SLC7A3: variants seen among roughly 807,000 people sequenced by gnomAD.
SLC7A3 encodes the protein cationic amino acid transporter 3.
SLC7A3 carries 3 observed loss-of-function variants against 33.2 expected under a neutral mutation model. The ratio of observed to expected loss-of-function variants is 0.09; its 90% CI spans 0.04 to 0.23. The LOEUF (loss-of-function observed/expected upper bound fraction) is 0.23. SLC7A3 is among the 10% of genes least tolerant of loss of function. The pLI is 1.00. For missense variants in SLC7A3, 360 were observed against 488.8 expected, an observed-to-expected ratio of 0.74 and a Z score of 2.48; for synonymous variants, 193 against 195.1, an observed-to-expected ratio of 0.99 and a Z score of 0.09.
At chrX:70,930,147 G>A in intron 1 of SLC7A3, 125 bp from the exon 2 acceptor site, 1 of 649,774 alleles carries the variant, frequency 1.5e-6, no homozygotes, top group East Asian at 3.4e-5. Context: ...GATATGGAAG[G>A]GACAAAGGCA....
chrX:70,925,642 G>A lies in SLC7A3; in HGVS notation c.*171C>T. On this transcript the variant is annotated 3_prime_UTR_variant, in exon 12 of 12. Coordinates refer to ENST00000374299, the MANE Select transcript of SLC7A3 (RefSeq NM_032803.6). ...TTGGTAAGCAGCTAGACATCATTTA[G>A]AAGCAGACGGGTTAAAATAGACAAG... is the stretch of plus-strand genomic sequence containing the variant. 1 of 481,913 alleles carries A rather than the reference G, an allele frequency of 2.1e-6. No individual in the cohort carries two copies. Among genetic ancestry groups the A allele is most frequent in the Non-Finnish European group, 3.3e-6 (1 of 300,711 alleles). The allele number at this position is 481,913 out of a possible 1,213,427, so 39.7% of individuals were successfully genotyped here. A position where few individuals can be genotyped will look rare whatever the true frequency, so the allele number is the denominator to read the frequency against.
In SLC7A3 at chrX:70,927,269, G is replaced by C. The variant is rs765715295; in HGVS notation, c.1286+13C>G. On this transcript the variant is annotated intron_variant, in intron 8 of 11. Coordinates refer to ENST00000374299, the MANE Select transcript of SLC7A3 (RefSeq NM_032803.6). ...AAAAATCCAAATCACAGTATGCAGA[G>C]GAAGAGTCTCACCTGAGGATGAGAA... 40 of 1,196,764 alleles carry C rather than the reference G, an allele frequency of 3.3e-5. No individual in the cohort carries two copies. The South Asian group carries it at 5.0e-4, about 15-fold the overall frequency.
rs2091895692 is a variant in SLC7A3, at chrX:70,925,954, A to G, written c.1730-11T>C. 8.3e-7 allele frequency: 1 copy of G among 1,209,220 alleles called. No homozygotes were observed. Among genetic ancestry groups the G allele is most frequent in the African/African-American group, 1.8e-5 (1 of 56,937 alleles). ...AGTAGATAGCAAAGCCTAGTGGGGA[A>G]AGGTAGCTGTGAGGTGGGGGTGTAA... On this transcript the variant is annotated splice_polypyrimidine_tract_variant and intron_variant, in intron 11 of 11. Transcript: ENST00000374299.
In SLC7A3 at chrX:70,925,855, A is replaced by G. The variant is rs776243764; in HGVS notation, c.1818T>C (p.Thr606=). The stretch of plus-strand genomic sequence containing the variant: ...AGAGAGTGCCGGGATCAAGGTCTAC[A>G]GTTTTGGCTCTAGACTTGCGTGAGG... ...NQPSRKSRAK[T]VDLDPGTLYV... The change falls in exon 12 of 12, where the codon ACT becomes ACC. Residue 606 remains threonine, a synonymous_variant. Coordinates refer to ENST00000374299, the MANE Select transcript of SLC7A3 (RefSeq NM_032803.6). 8.3e-7 allele frequency: 1 copy of G among 1,209,427 alleles called. No homozygotes were observed. Among genetic ancestry groups the G allele is most frequent in the African/African-American group, 1.8e-5 (1 of 56,965 alleles).
At chrX:70,926,834 C>T (rs377561132) in intron 9 of SLC7A3, 41 bp downstream of exon 9, 9 of 1,192,222 alleles carry the variant, frequency 7.5e-6, no homozygotes, top group African/African-American at 7.0e-5. Context: ...GACCCAATCA[C>T]GCTGATCTCA....
rs1249228718 is a variant in SLC7A3, at chrX:70,928,851, C to T, written c.522G>A (p.Leu174=). Residue 174 remains leucine, a synonymous_variant, in exon 3 of 12, where the codon CTG becomes CTA. Transcript: ENST00000374299. ...PDFFALGLVL[L]LTGLLALGAS... ...CCCTGCTCTTTGCCTCACCAGTGAG[C>T]AGCAACACGAGGCCCAAAGCAAAGA... is the stretch of plus-strand genomic sequence containing the variant. 2.5e-6 allele frequency: 3 copies of T among 1,208,114 alleles called. No homozygotes were observed. The African/African-American group carries it at 5.3e-5, about 21-fold the overall frequency.
rs772228682 is a variant in SLC7A3 at position 70,929,730 on chromosome X, G to A, written c.268C>T (p.Arg90Trp). 3 of 1,211,184 alleles carry A rather than the reference G, an allele frequency of 2.5e-6. No homozygotes were observed. The highest frequency in any genetic ancestry group is 2.3e-4 in the Middle Eastern group (1 of 4,354). ...TATGCCGAACCAGAACGGGGAACCCGGGCACCAAACTCCGCATAGCACAGC... is the reference window on the plus strand; with the variant it reads ...TATGCCGAACCAGAACGGGGAACCCAGGCACCAAACTCCGCATAGCACAGC... ...AGLCYAEFGA[R>W]VPRSGSAYLY... The change falls in exon 2 of 12, where the codon CGG becomes TGG. Residue 90 changes from arginine (R) to tryptophan (W), a missense_variant. Physicochemically the swap from Arg to Trp is moderately radical, Grantham distance 101 (BLOSUM62 -3). Coordinates refer to ENST00000374299, the MANE Select transcript of SLC7A3 (RefSeq NM_032803.6).
At chrX:70,929,049 A>C (rs2091904495) in intron 2 of SLC7A3, 47 bp from the exon 3 acceptor site, 1 of 1,162,609 alleles carries the variant, frequency 8.6e-7, no homozygotes, top group Non-Finnish European at 1.2e-6. Flanking sequence ...CCTTCTTCCC[A>C]GACCCCAGGC....
rs1183862733 is a variant in SLC7A3, at chrX:70,927,603, G to A, written c.1064C>T (p.Pro355Leu). ...LSTSLLGSMF[P>L]MPRVIYAMAE... ...CATCGCGTAGATCACCCGAGGCATG[G>A]GGAACATGGAGCCCAGGAGGCTGGA... The change falls in exon 7 of 12, where the codon CCC becomes CTC. Residue 355 changes from proline (P) to leucine (L), a missense_variant. By Grantham distance (98) the Pro-to-Leu change is moderately conservative. Transcript: ENST00000374299. 1 of 1,208,238 alleles carries A rather than the reference G, an allele frequency of 8.3e-7. No homozygotes were observed. Among genetic ancestry groups the A allele is most frequent in the Non-Finnish European group, 1.1e-6 (1 of 894,535 alleles).
At position 70,926,094 on chromosome X, in the gene SLC7A3, G is replaced by A. The variant is rs375256830; in HGVS notation, c.1705C>T (p.Arg569Ter). Residue 569 changes from arginine (R) to a stop codon, truncating the protein, a stop_gained, in exon 11 of 12, where the codon CGA becomes TGA. Transcript: ENST00000374299. LOFTEE classifies it high-confidence loss of function. Reference protein sequence around the residue: ...MMQMTAGTWARFGVWMLIGFA... With the variant: ...MMQMTAGTWA ...CCAATCAGCATCCAGACCCCAAATC[G>A]GGCCCAGGTACCAGCTGTCATCTGC... is the stretch of plus-strand genomic sequence containing the variant. The A allele has an allele frequency of 1.7e-6, 2 of 1,208,980 alleles. No individual in the cohort carries two copies. The highest frequency in any genetic ancestry group is 2.2e-6 in the Non-Finnish European group (2 of 894,782).
chrX:70,928,689 C>A, intron 3 of SLC7A3, 56 bp from the exon 4 acceptor site: 1 of 1,138,318 alleles, frequency 8.8e-7, no homozygotes, highest in South Asian at 2.1e-5. Context: ...AGCTTTGTTT[C>A]CCTGCCTCTA....
Position 70,929,939 on chromosome X carries a change from T to A in SLC7A3, c.59A>T (p.Glu20Val), listed in dbSNP as rs990542783. The change falls in exon 2 of 12, where the codon GAG becomes GTG. Residue 20 changes from glutamate to valine, a missense_variant. By Grantham distance (121) the Glu-to-Val change is moderately radical. Coordinates refer to ENST00000374299, the MANE Select transcript of SLC7A3 (RefSeq NM_032803.6). ...AAGGCGAGTCTCAGCCATGCCTGAC[T>A]CCAGTGTACGTCTGCGTACCAGCTT... ...GQKLVRRRTL[E>V]SGMAETRLAR... 2.5e-6 allele frequency: 3 copies of A among 1,211,276 alleles called. No individual in the cohort carries two copies. The highest frequency in any genetic ancestry group is 2.3e-4 in the Middle Eastern group (1 of 4,348).
chrX:70,928,884 A>T lies in SLC7A3; in HGVS notation c.489T>A (p.Tyr163Ter). The T allele has an allele frequency of 8.3e-7, 1 of 1,211,250 alleles. No homozygotes were observed. The highest frequency in any genetic ancestry group is 1.1e-6 in the Non-Finnish European group (1 of 895,411). ...CGAGGCCCAAAGCAAAGAAATCTGG[A>T]TATTCTGCAAGGACATGGGGCACGT... ...ALHVPHVLAE[Y>*]PDFFALGLVL... Residue 163 changes from tyrosine to a stop codon, truncating the protein, a stop_gained, in exon 3 of 12, where the codon TAT (tyrosine) becomes TAA (stop). Transcript: ENST00000374299. LOFTEE classifies it high-confidence loss of function.
At position 70,928,869 on chromosome X, in the gene SLC7A3, A is replaced by C; in HGVS notation, c.504T>G (p.Ala168=). 8.3e-7 allele frequency: 1 copy of C among 1,211,498 alleles called. No homozygotes were observed. ...HVLAEYPDFF[A]LGLVLLLTGL... is the part of the protein sequence containing the mutation. ...CAGTGAGCAGCAACACGAGGCCCAA[A>C]GCAAAGAAATCTGGATATTCTGCAA... Residue 168 remains alanine (A), a synonymous_variant, in exon 3 of 12, where the codon GCT becomes GCG. Transcript: ENST00000374299.
In SLC7A3 at chrX:70,925,961, C is replaced by T. The variant is rs1602236264; in HGVS notation, c.1730-18G>A. ...AGCAAAGCCTAGTGGGGAAAGGTAG[C>T]TGTGAGGTGGGGGTGTAAAGGCTTC... is the stretch of plus-strand genomic sequence containing the variant. On this transcript the variant is annotated intron_variant, in intron 11 of 11. Coordinates refer to ENST00000374299, the MANE Select transcript of SLC7A3 (RefSeq NM_032803.6). 4 of 1,210,997 alleles carry T rather than the reference C, an allele frequency of 3.3e-6. No individual in the cohort carries two copies. The highest frequency in any genetic ancestry group is 3.5e-5 in the South Asian group (2 of 56,914).
At chrX:70,930,671 G>A (rs890052059) in intron 1 of SLC7A3, among the ~76,000 whole-genome samples, 2 of 112,271 alleles carry the variant, frequency 1.8e-5, no homozygotes, top group South Asian at 3.7e-4. Context: ...GACATCTAAA[G>A]ATTTGGAGAT....
intron 9 of SLC7A3, 40 bp downstream of exon 9, chrX:70,926,835 G>C (rs199939808): frequency 1.5e-5 from 18 of 1,191,494 alleles, no homozygotes; most frequent in Non-Finnish European, 1.9e-5. Context: ...ACCCAATCAC[G>C]CTGATCTCAG....
intron 1 of SLC7A3, 24 bp from the exon 2 acceptor site, chrX:70,930,046 C>T: frequency 8.6e-7 from 1 of 1,158,340 alleles, no homozygotes; most frequent in Non-Finnish European, 1.2e-6. Context: ...AGACAAAAAC[C>T]CCTCGACAGG....
chrX:70,929,107 T>C, intron 2 of SLC7A3, 105 bp from the exon 3 acceptor site: 1 of 865,245 alleles, frequency 1.2e-6, no homozygotes, highest in Non-Finnish European at 1.6e-6. Flanking sequence ...TTGTTTTGTT[T>C]TGAGACCAAG....
Sources: gnomAD v4.1 joint callset for allele counts (sites outside exome capture counted in the v4.1 genomes callset) on GRCh38, gnomAD v4.1.1 for gene constraint, MANE v1.5 for transcripts, NCBI Gene and HGNC (gene_info 2026-07-23, HGNC 2026-07-21) for gene names.